SFMBT1: variants seen among roughly 807,000 people sequenced by gnomAD.
SFMBT1 encodes the protein scm-like with four MBT domains protein 1.
Under a neutral mutation model 108.7 loss-of-function variants are expected in SFMBT1, and 32 were observed. That is an observed-to-expected ratio of 0.29 (90% CI 0.22 to 0.40). The LOEUF (loss-of-function observed/expected upper bound fraction) is 0.40. Among genes scored for constraint, SFMBT1 ranks in the 10% least tolerant of loss-of-function variants. The pLI, the probability that SFMBT1 is intolerant of heterozygous loss-of-function variation, is 1.00. For missense variants in SFMBT1, 816 were observed against 1,059.6 expected, an observed-to-expected ratio of 0.77 and a Z score of 3.19; for synonymous variants, 348 against 369.5, an observed-to-expected ratio of 0.94 and a Z score of 0.67.
chr3:52,923,463 G>C (rs1702573484), intron 10 of SFMBT1, among the ~76,000 whole-genome samples: 1 of 151,782 alleles, frequency 6.6e-6, no homozygotes, highest in South Asian at 2.1e-4. Context: ...CTGCTAAGGA[G>C]GCTGGAGAAT....
At chr3:52,916,111 A>G (rs766830894) in intron 14 of SFMBT1, 39 bp downstream of exon 14, 2 of 1,549,550 alleles carry the variant, frequency 1.3e-6, no homozygotes, top group Non-Finnish European at 1.8e-6. Flanking sequence ...ATTAAAAGAA[A>G]CTAAGTCTTC....
intron 3 of SFMBT1, among the ~76,000 whole-genome samples, chr3:52,948,825 A>ATTTTTTTTTTTTTTTTTTTTTTTTTT (rs71615878): frequency 2.6e-5 from 2 of 78,282 alleles, no homozygotes; most frequent in Non-Finnish European, 4.7e-5. Context: ...CTAATTTTTA[A>ATTTTTTTTTTTTTTTTTTTTTTTTTT]TTTTTTTTTT....
At chr3:52,928,601 C>CATATAT (rs1428797672) in intron 8 of SFMBT1, 1 of 126,284 alleles carries the variant, frequency 7.9e-6, no homozygotes, top group African/African-American at 2.8e-5. Context: ...CATATATATA[C>CATATAT]ATATATACAT....
chr3:52,988,476 T>C (rs1705006961), intron 1 of SFMBT1, among the ~76,000 whole-genome samples: 1 of 152,182 alleles, frequency 6.6e-6, no homozygotes. Flanking sequence ...GTAATGCTGC[T>C]GCGAGGGTAT....
intron 2 of SFMBT1, among the ~76,000 whole-genome samples, chr3:52,961,256 A>T (rs1051790988): frequency 2.5e-4 from 38 of 152,316 alleles, no homozygotes; most frequent in African/African-American, 8.9e-4. Context: ...GAAACAGAAA[A>T]TTAAATGGTG....
At chr3:53,017,376 CTT>C (rs1699161324) in intron 1 of SFMBT1, among the ~76,000 whole-genome samples, 1 of 152,144 alleles carries the variant, frequency 6.6e-6, no homozygotes, top group Non-Finnish European at 1.5e-5. Context: ...TTTGGCAGTT[CTT>C]TTATTAATTC....
intron 13 of SFMBT1, among the ~76,000 whole-genome samples, 196 bp from the exon 14 acceptor site, chr3:52,916,410 G>A (rs571204449): frequency 1.5e-4 from 22 of 143,076 alleles, no homozygotes; most frequent in African/African-American, 4.9e-4. Context: ...GGTGGCTCAC[G>A]CGTAATCCCA....
chr3:52,911,758 T>C (rs557517859), intron 16 of SFMBT1, among the ~76,000 whole-genome samples: 1 of 152,174 alleles, frequency 6.6e-6, no homozygotes, highest in East Asian at 1.9e-4. Flanking sequence ...TGAAGTGCAG[T>C]GGCATGATCT....
intron 1 of SFMBT1, among the ~76,000 whole-genome samples, 181 bp downstream of exon 1, chr3:53,045,635 T>TGCC (rs1193679574): frequency 7.0e-5 from 8 of 114,954 alleles, no homozygotes; most frequent in Admixed American, 3.3e-4. Context: ...GCCCCCAACG[T>TGCC]GCCGCCGCCG....
intron 1 of SFMBT1, among the ~76,000 whole-genome samples, chr3:52,974,833 T>TAAAAAAAAAAAAA (rs10646648): frequency 1.1e-5 from 1 of 90,704 alleles, no homozygotes; most frequent in African/African-American, 4.1e-5. Context: ...CTATAAAAAG[T>TAAAAAAAAAAAAA]AAAAAAAAAA....
At chr3:53,045,214 C>G (rs1207077017) in intron 1 of SFMBT1, 1 of 149,976 alleles carries the variant, frequency 6.7e-6, no homozygotes, top group Non-Finnish European at 1.5e-5. Flanking sequence ...CCGGAGCCAC[C>G]GGTTGCGGCG....
At chr3:53,036,180 G>C (rs567969063) in intron 1 of SFMBT1, among the ~76,000 whole-genome samples, 2 of 152,188 alleles carry the variant, frequency 1.3e-5, no homozygotes, top group Non-Finnish European at 2.9e-5. Context: ...GAATCCACTG[G>C]GAAGGCTGCC....
chr3:52,950,764 G>A (rs1703551583), intron 3 of SFMBT1, among the ~76,000 whole-genome samples: 2 of 150,614 alleles, frequency 1.3e-5, no homozygotes, highest in Admixed American at 6.6e-5. Context: ...GTGAGCCACC[G>A]TGCCCGGCTG....
At chr3:52,928,671 TACACACACACAC>T (rs1301624750) in intron 8 of SFMBT1, among the ~76,000 whole-genome samples, 1 of 138,368 alleles carries the variant, frequency 7.2e-6, no homozygotes, top group Non-Finnish European at 1.6e-5. Context: ...TATACATATA[TACACACACACAC>T]ATATATATAT....
chr3:53,042,597 C>G (rs1408926552), intron 1 of SFMBT1, among the ~76,000 whole-genome samples: 8 of 152,198 alleles, frequency 5.3e-5, no homozygotes, highest in African/African-American at 1.9e-4. Context: ...TCTTGCCTAG[C>G]CTCCCAAAGT....
chr3:53,042,538 C>A (rs993095303), intron 1 of SFMBT1, among the ~76,000 whole-genome samples: 2 of 152,086 alleles, frequency 1.3e-5, no homozygotes, highest in Non-Finnish European at 2.9e-5. Context: ...ACAGGGTCTC[C>A]CTTTTCTTTC....
In SFMBT1 at chr3:52,907,551, A is replaced by G. The variant is rs746008075; in HGVS notation, c.2085+4T>C. On this transcript the variant is annotated splice_donor_region_variant and intron_variant, in intron 18 of 20. Coordinates refer to ENST00000394752, the MANE Select transcript of SFMBT1 (RefSeq NM_016329.4). ...ACATTACAGGCACATCACAGATCTC[A>G]TACCTGGGGAGAGCCCGCTGGGGTA... The G allele has an allele frequency of 1.8e-5, 29 of 1,611,678 alleles. No individual in the cohort carries two copies. Among genetic ancestry groups the G allele is most frequent in the Non-Finnish European group, 2.4e-5 (28 of 1,179,014 alleles).
chr3:52,938,338 T>C (rs1211942761), intron 4 of SFMBT1, among the ~76,000 whole-genome samples: 2 of 152,334 alleles, frequency 1.3e-5, no homozygotes, highest in African/African-American at 4.8e-5. Context: ...TGTTATATAC[T>C]TCGTGTATAT....
intron 2 of SFMBT1, among the ~76,000 whole-genome samples, chr3:52,962,480 GTATTTTTTTTTGTATCCC>G (rs1344132970): frequency 6.6e-6 from 1 of 152,100 alleles, no homozygotes; most frequent in Non-Finnish European, 1.5e-5. Context: ...CTACCAAACA[GTATTTTTTTTTGTATCCC>G]TATTTTTTGT....
Sources: allele counts gnomAD v4.1 joint callset (sites outside exome capture counted in the v4.1 genomes callset), GRCh38; gene constraint gnomAD v4.1.1; transcripts MANE v1.5; gene names NCBI Gene and HGNC (gene_info 2026-07-23, HGNC 2026-07-21).